The following NDUFAF2 variants were observed in gnomAD, a reference collection of about 807,000 sequenced individuals.
NDUFAF2 encodes the protein NADH dehydrogenase [ubiquinone] 1 alpha subcomplex assembly factor 2.
A neutral mutation model predicts 22.8 loss-of-function variants in NDUFAF2; 13 were observed. That is an observed-to-expected ratio of 0.57 (90% CI 0.37 to 0.91). NDUFAF2 has a LOEUF of 0.91. Among genes scored for constraint, NDUFAF2 ranks in the 40% least tolerant of loss-of-function variants. The pLI is 0.01. For missense variants in NDUFAF2, 162 were observed against 195.2 expected (o/e 0.83, Z 1.01); for synonymous variants, 53 against 64.2 (o/e 0.83, Z 0.84).
intron 3 of NDUFAF2, among the ~76,000 whole-genome samples, chr5:61,107,044 T>TACACACACACACACGCAC (rs71578646): frequency 1.5e-5 from 1 of 64,734 alleles, no homozygotes; most frequent in Non-Finnish European, 3.0e-5. Flanking sequence ...TTTGGATAAA[T>TACACACACACACACGCAC]ATACACACAC....
At chr5:61,073,809 CAT>C (rs1752332584) in intron 2 of NDUFAF2, among the ~76,000 whole-genome samples, 1 of 152,170 alleles carries the variant, frequency 6.6e-6, no homozygotes, top group African/African-American at 2.4e-5. Context: ...CTAACAGTAA[CAT>C]ATGAACTTAG....
At chr5:60,988,031 CCT>C (rs1051167714) in intron 1 of NDUFAF2, among the ~76,000 whole-genome samples, 4 of 152,146 alleles carry the variant, frequency 2.6e-5, no homozygotes, top group African/African-American at 9.7e-5. Flanking sequence ...ACCCCATACT[CCT>C]GGCCAAAAAG....
In NDUFAF2 at chr5:61,149,562, A is replaced by G. The variant is rs1356936063; in HGVS notation, c.259-3142A>G. Among the ~76,000 whole-genome samples, 18 of 152,212 alleles carry G rather than the reference A, an allele frequency of 1.2e-4. 1 individual carries two copies. Among genetic ancestry groups the G allele is most frequent in the Admixed American group, 1.2e-3 (18 of 15,278 alleles). ...GTTAAGTAAATCATGGTACAATACT[A>G]GTGATAAAATAACATTCAGCCATCT... On this transcript the variant is annotated intron_variant, in intron 3 of 3. Transcript: ENST00000296597.
At chr5:60,972,049 TCTC>T (rs745618715) in intron 1 of NDUFAF2, among the ~76,000 whole-genome samples, 7 of 150,498 alleles carry the variant, frequency 4.7e-5, no homozygotes, top group Non-Finnish European at 1.0e-4. Context: ...TTCAAGCAAT[TCTC>T]CTGCCTCAGC....
chr5:61,121,597 G>A (rs922462329), intron 3 of NDUFAF2, among the ~76,000 whole-genome samples: 1 of 152,140 alleles, frequency 6.6e-6, no homozygotes, highest in African/African-American at 2.4e-5. Context: ...AACTTGGCTA[G>A]ACTGTGGTAC....
chr5:61,024,498 A>G (rs1751626221), intron 1 of NDUFAF2, among the ~76,000 whole-genome samples: 3 of 152,070 alleles, frequency 2.0e-5, no homozygotes, highest in Non-Finnish European at 4.4e-5. Context: ...TAATAATAAT[A>G]GCTTCAAATA....
intron 1 of NDUFAF2, among the ~76,000 whole-genome samples, chr5:61,027,814 T>C (rs955753977): frequency 1.3e-5 from 2 of 152,028 alleles, no homozygotes; most frequent in African/African-American, 2.4e-5. Context: ...ATCAAATCAA[T>C]GTCTTTATTT....
intron 3 of NDUFAF2, among the ~76,000 whole-genome samples, chr5:61,144,781 A>C (rs574071767): frequency 6.6e-6 from 1 of 152,314 alleles, no homozygotes; most frequent in Non-Finnish European, 1.5e-5. Context: ...ATTAGAGTGC[A>C]TTTCCAAAGC....
chr5:61,076,969 C>G (rs917833824), intron 2 of NDUFAF2, among the ~76,000 whole-genome samples: 16 of 152,010 alleles, frequency 1.1e-4, no homozygotes, highest in Non-Finnish European at 1.6e-4. Context: ...TTTGGCCTCA[C>G]CTGGAAAAAG....
chr5:61,130,423 G>T (rs1480229108), intron 3 of NDUFAF2, among the ~76,000 whole-genome samples: 1 of 152,074 alleles, frequency 6.6e-6, no homozygotes, highest in Non-Finnish European at 1.5e-5. Context: ...GGATTTGGAT[G>T]CACTCTTGGT....
intron 1 of NDUFAF2, among the ~76,000 whole-genome samples, chr5:60,980,993 A>G (rs1386706830): frequency 1.3e-5 from 2 of 152,114 alleles, no homozygotes; most frequent in Admixed American, 6.6e-5. Flanking sequence ...AAAGGAGATA[A>G]AGAGAGAGAT....
chr5:61,047,141 T>C (rs1438206985), intron 1 of NDUFAF2, among the ~76,000 whole-genome samples: 2 of 151,800 alleles, frequency 1.3e-5, no homozygotes, highest in Non-Finnish European at 2.9e-5. Flanking sequence ...GGTCAAAACC[T>C]GACTTATGAT....
chr5:61,113,197 T>C (rs1437538985), intron 3 of NDUFAF2, among the ~76,000 whole-genome samples: 1 of 152,188 alleles, frequency 6.6e-6, no homozygotes, highest in Non-Finnish European at 1.5e-5. Flanking sequence ...TACAGCAAAA[T>C]TGGAGTTTTA....
intron 1 of NDUFAF2, among the ~76,000 whole-genome samples, chr5:60,996,798 G>T (rs1341341340): frequency 6.6e-6 from 1 of 152,238 alleles, no homozygotes; most frequent in East Asian, 1.9e-4. Context: ...TGGCTTTCTG[G>T]TTCTAACAGA....
chr5:61,066,636 C>A (rs958178760), intron 1 of NDUFAF2, among the ~76,000 whole-genome samples: 7 of 152,002 alleles, frequency 4.6e-5, no homozygotes, highest in Non-Finnish European at 1.0e-4. Context: ...TGCGGATGAT[C>A]AATTCACTTA....
At position 61,145,362 on chromosome 5, in the gene NDUFAF2, C is replaced by A. The variant is rs184303612; in HGVS notation, c.259-7342C>A. On this transcript the variant is annotated intron_variant, in intron 3 of 3. Coordinates refer to ENST00000296597, the MANE Select transcript of NDUFAF2 (RefSeq NM_174889.5). Reference sequence around the variant, plus strand: ...CTTGTTAAAGGCATTTAGATCTTTTCGCTTTTTCTCTTTTTTAATCTAATC... The same window carrying A: ...CTTGTTAAAGGCATTTAGATCTTTTAGCTTTTTCTCTTTTTTAATCTAATC... Among the ~76,000 whole-genome samples the A allele has an allele frequency of 1.1e-4, 16 of 152,224 alleles. No homozygotes were observed. The East Asian group carries it at 3.1e-3, about 29-fold the overall frequency.
intron 3 of NDUFAF2, among the ~76,000 whole-genome samples, chr5:61,139,785 C>T (rs912034573): frequency 3.0e-4 from 46 of 152,184 alleles, no homozygotes; most frequent in African/African-American, 1.1e-3. Flanking sequence ...TGTTTGCCTG[C>T]CCTTTCCTGA....
At chr5:61,143,969 TG>T (rs1741095114) in intron 3 of NDUFAF2, among the ~76,000 whole-genome samples, 2 of 118,098 alleles carry the variant, frequency 1.7e-5, no homozygotes, top group Non-Finnish European at 3.8e-5. Context: ...TTTGTGTGTG[TG>T]TGTGTGTGTG....
chr5:61,143,960 T>TGTG (rs1491220278), intron 3 of NDUFAF2, among the ~76,000 whole-genome samples: 1,178 of 98,200 alleles, frequency 0.012, 24 homozygotes, highest in East Asian at 0.022. Context: ...TGGCATATTT[T>TGTG]TGTGTGTGTG....
Sources: gnomAD v4.1 joint callset for allele counts (sites outside exome capture counted in the v4.1 genomes callset) on GRCh38, gnomAD v4.1.1 for gene constraint, MANE v1.5 for transcripts, NCBI Gene and HGNC (gene_info 2026-07-23, HGNC 2026-07-21) for gene names.